Variants in ZNF407 observed in about 807,000 individuals in gnomAD.
The protein encoded by ZNF407 is zinc finger protein 407.
A neutral mutation model predicts 131.2 loss-of-function variants in ZNF407; 17 were observed. The ratio of observed to expected loss-of-function variants is 0.13; its 90% confidence interval spans 0.09 to 0.19. The LOEUF (loss-of-function observed/expected upper bound fraction) is 0.19. ZNF407 is among the 10% of genes least tolerant of loss of function. ZNF407 has a pLI of 1.00. For missense variants in ZNF407, 2,681 were observed against 2,830.6 expected (o/e 0.95, Z 1.20); for synonymous variants, 1,156 against 1,062.0 (o/e 1.09, Z -1.72).
chr18:74,972,599 T>G (rs2145304887), intron 8 of ZNF407, among the ~76,000 whole-genome samples: 1 of 152,364 alleles, frequency 6.6e-6, no homozygotes, highest in African/African-American at 2.4e-5. Flanking sequence ...TGATTTCCTT[T>G]GGCTTCATGT....
intron 3 of ZNF407, among the ~76,000 whole-genome samples, chr18:74,657,184 T>C (rs1425767477): frequency 7.2e-5 from 11 of 152,000 alleles, no homozygotes; most frequent in Admixed American, 3.9e-4. Context: ...GGCACAGTTT[T>C]CTTGATTTAG....
At chr18:74,864,347 T>G (rs1970980821) in intron 4 of ZNF407, among the ~76,000 whole-genome samples, 1 of 152,162 alleles carries the variant, frequency 6.6e-6, no homozygotes, top group Admixed American at 6.5e-5. Flanking sequence ...CGAAGATAAT[T>G]TATTCTAACT....
intron 3 of ZNF407, among the ~76,000 whole-genome samples, chr18:74,711,306 A>C (rs1433575611): frequency 6.6e-6 from 1 of 152,196 alleles, no homozygotes; most frequent in Non-Finnish European, 1.5e-5. Context: ...GCAAAGGGGA[A>C]TGAAAGTTGC....
At chr18:75,037,067 C>T (rs2122233646) in intron 8 of ZNF407, among the ~76,000 whole-genome samples, 1 of 152,320 alleles carries the variant, frequency 6.6e-6, no homozygotes, top group Admixed American at 6.5e-5. Context: ...CAAATACACA[C>T]AGACATCCAG....
At position 75,029,706 on chromosome 18, in the gene ZNF407, A is replaced by G. The variant is rs753637051; in HGVS notation, c.5429-33444A>G. Reference sequence around the variant, plus strand: ...CGTTTCTTCAGCTCGTGCAGGTGCTAGTTGTAGCATGTGACTTATCACTGG... The same window carrying G: ...CGTTTCTTCAGCTCGTGCAGGTGCTGGTTGTAGCATGTGACTTATCACTGG... On this transcript the variant is annotated intron_variant, in intron 8 of 8. Transcript: ENST00000299687. Among the ~76,000 whole-genome samples, 216 of 152,336 alleles carry G rather than the reference A, an allele frequency of 1.4e-3. 1 individual carries two copies. Among genetic ancestry groups the G allele is most frequent in the Admixed American group, 3.3e-3 (50 of 15,304 alleles).
rs933684868 is a variant in ZNF407, at chr18:74,848,694, G to A, written c.4878-28503G>A. Among the ~76,000 whole-genome samples the A allele has an allele frequency of 4.6e-5, 7 of 152,154 alleles. 1 individual carries two copies. The South Asian group carries it at 6.2e-4, about 14-fold the overall frequency. The stretch of plus-strand genomic sequence containing the variant: ...GAGACACATGGGCAAGAGTTGAGCC[G>A]TAAGGCCAGCAGCATCTTTTTCTCG... On this transcript the variant is annotated intron_variant, in intron 4 of 8. Transcript: ENST00000299687.
chr18:75,003,299 G>A (rs1290663787), intron 8 of ZNF407, among the ~76,000 whole-genome samples: 3 of 152,196 alleles, frequency 2.0e-5, no homozygotes, highest in African/African-American at 7.2e-5. Context: ...GTGTTTGACA[G>A]CTTTGGCCCA....
chr18:74,819,884 T>G (rs1055494617), intron 4 of ZNF407, among the ~76,000 whole-genome samples: 1 of 152,170 alleles, frequency 6.6e-6, no homozygotes, highest in Non-Finnish European at 1.5e-5. Flanking sequence ...CCCAGTGAGA[T>G]TGTAGTGCTG....
intron 4 of ZNF407, among the ~76,000 whole-genome samples, chr18:74,821,128 T>A (rs1228346029): frequency 6.6e-6 from 1 of 151,904 alleles, no homozygotes. Flanking sequence ...ACTAGTGTTA[T>A]TAGGTTGGTG....
At chr18:74,710,608 T>A (rs906505050) in intron 3 of ZNF407, among the ~76,000 whole-genome samples, 28 of 152,194 alleles carry the variant, frequency 1.8e-4, no homozygotes, top group Admixed American at 5.9e-4. Context: ...ATCATGTCTG[T>A]GGGATCGTCC....
chr18:74,718,999 T>C lies in ZNF407; in HGVS notation c.4803-62429T>C, dbSNP rs116531849. ...ATTGCATAGAATGTCTTTTTGAGTA[T>C]TTTTTAATTAAAAACTTTTTATAGG... On this transcript the variant is annotated intron_variant, in intron 3 of 8. Transcript: ENST00000299687. 5.2e-3 allele frequency among the ~76,000 whole-genome samples: 798 copies of C among 152,284 alleles called. 11 individuals are homozygous for C. The highest frequency in any genetic ancestry group is 0.018 in the African/African-American group (737 of 41,542).
rs527529084 is a variant in ZNF407, at chr18:74,703,292, G to A, written c.4802+62170G>A. Among the ~76,000 whole-genome samples, 5 of 152,010 alleles carry A rather than the reference G, an allele frequency of 3.3e-5. No homozygotes were observed. Among genetic ancestry groups the A allele is most frequent in the Non-Finnish European group, 5.9e-5 (4 of 68,006 alleles). ...ATGTAGTTCACAGCCTAGATGAGAC[G>A]ACCCATTACAGAGCTACCACAGAGA... On this transcript the variant is annotated intron_variant, in intron 3 of 8. Transcript: ENST00000299687. The surrounding 1 kb of genome is among the most constrained non-coding windows in gnomAD (Gnocchi z 4.1).
At chr18:74,953,150 C>CA (rs146103037) in intron 8 of ZNF407, among the ~76,000 whole-genome samples, 1,649 of 152,196 alleles carry the variant, frequency 0.011, 33 homozygotes, top group African/African-American at 0.037. Context: ...GGAAATGAGA[C>CA]GTCTTGGCAA....
intron 4 of ZNF407, among the ~76,000 whole-genome samples, chr18:74,797,749 A>G (rs1969946951): frequency 6.6e-6 from 1 of 152,186 alleles, no homozygotes; most frequent in Non-Finnish European, 1.5e-5. Context: ...GCTAGCTGAA[A>G]AGCCCAGGCT....
chr18:75,027,791 A>G (rs1299902777), intron 8 of ZNF407, among the ~76,000 whole-genome samples: 1 of 152,140 alleles, frequency 6.6e-6, no homozygotes, highest in African/African-American at 2.4e-5. Flanking sequence ...AGTGAGACAG[A>G]AGGAAATGAG....
At chr18:74,960,273 G>A (rs1227445701) in intron 8 of ZNF407, among the ~76,000 whole-genome samples, 7 of 150,376 alleles carry the variant, frequency 4.7e-5, no homozygotes, top group South Asian at 4.3e-4. Context: ...TTGGTGGAGG[G>A]ATAGGAGAAG....
chr18:74,923,596 T>C (rs1370399255), intron 8 of ZNF407, among the ~76,000 whole-genome samples: 1 of 152,192 alleles, frequency 6.6e-6, no homozygotes, highest in African/African-American at 2.4e-5. Flanking sequence ...TGTCAGCTGT[T>C]AAGAGGAGTA....
Position 75,064,265 on chromosome 18 carries a change from G to T in ZNF407, c.6544G>T (p.Glu2182Ter). Reference sequence around the variant, plus strand: ...AGAGCTGCCCCCAGGGGTGCAGGACGAGCCGGGCCTGTACTCCCACACCGT... The same window carrying T: ...AGAGCTGCCCCCAGGGGTGCAGGACTAGCCGGGCCTGTACTCCCACACCGT... ...LTELPPGVQD[E>*]PGLYSHTVLE... Residue 2182 changes from glutamate to a stop codon, truncating the protein, a stop_gained, in exon 9 of 9, where the codon GAG becomes TAG. Transcript: ENST00000299687. LOFTEE classifies it low-confidence loss of function (END_TRUNC). 1 of 1,604,980 alleles carries T rather than the reference G, an allele frequency of 6.2e-7. No individual in the cohort carries two copies. The highest frequency in any genetic ancestry group is 2.2e-5 in the East Asian group (1 of 44,662).
intron 4 of ZNF407, among the ~76,000 whole-genome samples, chr18:74,787,045 G>A (rs1969732778): frequency 1.3e-5 from 2 of 151,924 alleles, no homozygotes; most frequent in Admixed American, 1.3e-4. Flanking sequence ...CACCTCAGGT[G>A]ATCCACCTGC....
Sources: gnomAD v4.1 joint callset for allele counts (sites outside exome capture counted in the v4.1 genomes callset) on GRCh38, gnomAD v4.1.1 for gene constraint, Gnocchi (gnomAD v3.1) non-coding constraint, MANE v1.5 for transcripts, NCBI Gene and HGNC (gene_info 2026-07-23, HGNC 2026-07-21) for gene names.